XPO6: variants seen among roughly 807,000 people sequenced by gnomAD.
The protein encoded by XPO6 is exportin-6.
XPO6 carries 3 observed loss-of-function variants against 130.0 expected under a neutral mutation model. The observed-to-expected ratio is 0.02, with a 90% CI of 0.01 to 0.06. The LOEUF is 0.06. Among genes scored for constraint, XPO6 ranks in the 10% least tolerant of loss-of-function variants. XPO6 has a pLI of 1.00. For missense variants in XPO6, 970 were observed against 1,393.0 expected, an observed-to-expected ratio of 0.70 and a Z score of 4.83; for synonymous variants, 524 against 548.9, an observed-to-expected ratio of 0.95 and a Z score of 0.63.
chr16:28,121,964 C>G (rs2087253856), intron 13 of XPO6, among the ~76,000 whole-genome samples: 1 of 151,106 alleles, frequency 6.6e-6, no homozygotes. Flanking sequence ...TTAACTAAAG[C>G]CTTATTGAAG....
Position 28,098,447 on chromosome 16 carries a change from A to C in XPO6, c.*91T>G. 8.5e-7 allele frequency: 1 copy of C among 1,179,978 alleles called. No individual in the cohort carries two copies. Among genetic ancestry groups the C allele is most frequent in the Non-Finnish European group, 1.2e-6 (1 of 820,000 alleles). The allele number at this position is 1,179,978 out of a possible 1,614,324, so 73.1% of individuals were successfully genotyped here. A position where few individuals can be genotyped will look rare whatever the true frequency, so the allele number is the denominator to read the frequency against. ...GCGGTGGGAGAAGCCAAGGAGTGTG[A>C]CCAAGGCCCATCTGGGAGACATCTG... On this transcript the variant is annotated 3_prime_UTR_variant, in exon 24 of 24. Coordinates refer to ENST00000304658, the MANE Select transcript of XPO6 (RefSeq NM_015171.4).
intron 13 of XPO6, among the ~76,000 whole-genome samples, chr16:28,125,375 A>G (rs1596823206): frequency 6.6e-6 from 1 of 152,368 alleles, no homozygotes; most frequent in East Asian, 1.9e-4. Flanking sequence ...ATTTATACAC[A>G]AGATCTTCAA....
intron 7 of XPO6, chr16:28,155,533 T>C (rs928739948): frequency 6.6e-6 from 1 of 152,652 alleles, no homozygotes; most frequent in Admixed American, 6.5e-5. Flanking sequence ...GTGTGCTACA[T>C]TAACCTGTGC....
chr16:28,138,817 T>C (rs756598042), intron 9 of XPO6, among the ~76,000 whole-genome samples: 15 of 152,244 alleles, frequency 9.9e-5, no homozygotes, highest in Non-Finnish European at 1.8e-4. Context: ...CATCCATCTC[T>C]GACCATAAGA....
At chr16:28,200,402 A>C (rs2043936318) in intron 1 of XPO6, among the ~76,000 whole-genome samples, 1 of 152,202 alleles carries the variant, frequency 6.6e-6, no homozygotes, top group Admixed American at 6.5e-5. Flanking sequence ...AACTCAAAGA[A>C]ATCAAGCAAT....
At chr16:28,147,432 A>G (rs887288218) in intron 8 of XPO6, among the ~76,000 whole-genome samples, 1 of 59,914 alleles carries the variant, frequency 1.7e-5, no homozygotes, top group Non-Finnish European at 4.0e-5. Context: ...AGGAAAGGAA[A>G]GGAAGAAAAA....
rs200251232 is a variant in XPO6, at chr16:28,168,785, T to TG, written c.565+964_565+965insC. On this transcript the variant is annotated intron_variant, in intron 5 of 23. Coordinates refer to ENST00000304658, the MANE Select transcript of XPO6 (RefSeq NM_015171.4). ...CCCAGCTAACTTTTTTGTTTTGTTT[T>TG]TTTTTTTTTCCAGAAATGGGGGTCT... Among the ~76,000 whole-genome samples the TG allele has an allele frequency of 1.8e-3, 279 of 151,332 alleles. 2 individuals are homozygous for TG. The highest frequency in any genetic ancestry group is 5.8e-3 in the African/African-American group (239 of 41,296).
intron 4 of XPO6, 35 bp downstream of exon 4, chr16:28,175,863 T>A (rs779445320): frequency 3.2e-6 from 5 of 1,587,034 alleles, no homozygotes; most frequent in Non-Finnish European, 4.3e-6. Context: ...AAACAAACTA[T>A]TCACAAGATA....
In XPO6 at chr16:28,211,668, C is replaced by A. The variant is rs2044136198; in HGVS notation, c.-300G>T. 2.5e-6 allele frequency: 1 copy of A among 396,398 alleles called. No homozygotes were observed. Among genetic ancestry groups the A allele is most frequent in the Non-Finnish European group, 4.4e-6 (1 of 225,026 alleles). The allele number at this position is 396,398 out of a possible 1,614,324, so 24.6% of individuals were successfully genotyped here. On this transcript the variant is annotated 5_prime_UTR_variant, in exon 1 of 24. Coordinates refer to ENST00000304658, the MANE Select transcript of XPO6 (RefSeq NM_015171.4). ...AGGGCAGCTGCTCGGGACCCCCGCCCGGGCCCGACCCCCGCGGGGGAGGCT... is the reference window on the plus strand; with the variant it reads ...AGGGCAGCTGCTCGGGACCCCCGCCAGGGCCCGACCCCCGCGGGGGAGGCT...
rs1443825685 is a variant in XPO6, at chr16:28,123,238, G to A, written c.1767-1476C>T. 4.6e-5 allele frequency among the ~76,000 whole-genome samples: 7 copies of A among 152,142 alleles called. No homozygotes were observed. In the South Asian group the frequency reaches 6.2e-4, roughly 14 times the overall value. Reference sequence around the variant, plus strand: ...CCGCCTCAGCGCCCCCTCCCATAGCGGGGACTACAGGCGCATGCCACCACA... The same window carrying A: ...CCGCCTCAGCGCCCCCTCCCATAGCAGGGACTACAGGCGCATGCCACCACA... On this transcript the variant is annotated intron_variant, in intron 13 of 23. Transcript: ENST00000304658.
rs1227104457 is a variant in XPO6, at chr16:28,101,714, A to T, written c.3046-26T>A. ...CTGCAGGCAGAGAGACCAGGTGAGC[A>T]GCAGCCAGCCCCCAGGGGCCTGTCC... On this transcript the variant is annotated intron_variant, in intron 22 of 23. Coordinates refer to ENST00000304658, the MANE Select transcript of XPO6 (RefSeq NM_015171.4). This position sits in a 1 kb window ranked among gnomAD's most constrained non-coding sequence, Gnocchi z 5.4. 5 of 1,597,040 alleles carry T rather than the reference A, an allele frequency of 3.1e-6. 1 individual carries two copies. The highest frequency in any genetic ancestry group is 4.3e-6 in the Non-Finnish European group (5 of 1,168,762).
At chr16:28,183,542 C>T (rs928655754) in intron 1 of XPO6, 3 of 150,876 alleles carry the variant, frequency 2.0e-5, no homozygotes, top group Non-Finnish European at 4.4e-5. Context: ...TCAACAAGAA[C>T]AAATAAGTGC....
rs1378281587 is a variant in XPO6, at chr16:28,169,797, C to T, written c.518G>A (p.Arg173Gln). ...CTGCACCTGGTCCAGTAGCAGCTTC[C>T]GCAACTCCTCCTTCCGAGCCACACT... ...DLSVARKEEL[R>Q]KLLLDQVQTV... Residue 173 changes from arginine to glutamine, a missense_variant, in exon 5 of 24, where the codon CGG becomes CAG. Physicochemically the swap from Arg to Gln is conservative, Grantham distance 43. This residue lies in a region of XPO6 where 936 missense variants were observed against 1,306.8 expected (regional missense o/e 0.72). Transcript: ENST00000304658. 7 of 1,614,100 alleles carry T rather than the reference C, an allele frequency of 4.3e-6. No homozygotes were observed. Among genetic ancestry groups the T allele is most frequent in the East Asian group, 2.2e-5 (1 of 44,856 alleles).
At chr16:28,102,854 TC>T (rs1567588900) in intron 21 of XPO6, among the ~76,000 whole-genome samples, 6 of 152,064 alleles carry the variant, frequency 3.9e-5, no homozygotes, top group Admixed American at 3.9e-4. Flanking sequence ...ATGGGGGCAG[TC>T]GGGGAGGCCG....
At chr16:28,131,675 T>C (rs1055759583) in intron 12 of XPO6, among the ~76,000 whole-genome samples, 11 of 152,152 alleles carry the variant, frequency 7.2e-5, no homozygotes, top group Non-Finnish European at 1.5e-5. Flanking sequence ...TCCTCTTATG[T>C]AAAACAGGGG....
chr16:28,167,066 T>G (rs775611304), intron 5 of XPO6: 1 of 899,978 alleles, frequency 1.1e-6, no homozygotes. Flanking sequence ...CTGACCTGCT[T>G]CTCCTCTCAT....
At chr16:28,170,268 G>A (rs2043427797) in intron 4 of XPO6, among the ~76,000 whole-genome samples, 1 of 149,556 alleles carries the variant, frequency 6.7e-6, no homozygotes, top group East Asian at 2.0e-4. Flanking sequence ...GGAGGTGGAG[G>A]TTGTGGTGAG....
chr16:28,174,046 A>G (rs2043496060), intron 4 of XPO6, among the ~76,000 whole-genome samples: 1 of 152,072 alleles, frequency 6.6e-6, no homozygotes, highest in South Asian at 2.1e-4. Context: ...TCCTGTCTCC[A>G]GTGGGCTTCC....
chr16:28,202,420 A>T (rs1022682567), intron 1 of XPO6, among the ~76,000 whole-genome samples: 3 of 152,164 alleles, frequency 2.0e-5, no homozygotes, highest in African/African-American at 7.2e-5. Context: ...AGGGACGCAG[A>T]ACCTGGAAGA....
Sources: allele counts gnomAD v4.1 joint callset (sites outside exome capture counted in the v4.1 genomes callset), GRCh38; gene constraint gnomAD v4.1.1; regional missense constraint gnomAD v4.1.1; non-coding constraint Gnocchi (gnomAD v3.1); transcripts MANE v1.5; gene names NCBI Gene and HGNC (gene_info 2026-07-23, HGNC 2026-07-21).